The following SYTL2 variants were observed in gnomAD, a reference collection of about 807,000 sequenced individuals.
SYTL2 encodes synaptotagmin like 2, also known as synaptotagmin-like protein 2.
SYTL2 carries 165 observed loss-of-function variants against 198.7 expected under a neutral mutation model. That is an observed-to-expected ratio of 0.83 (90% confidence interval 0.73 to 0.94). SYTL2 has a LOEUF of 0.94. Among genes scored for constraint, SYTL2 ranks in the 40% least tolerant of loss-of-function variants. The probability of loss-of-function intolerance (pLI) is 0.00; values close to 1 mark genes in which losing one functional copy is unlikely to be tolerated. For synonymous variants in SYTL2, 966 were observed against 917.7 expected, an observed-to-expected ratio of 1.05 and a Z score of -0.95; for missense variants, 2,835 against 2,582.8, an observed-to-expected ratio of 1.10 and a Z score of -2.12.
rs1189779715 is a variant in SYTL2 at position 85,727,981 on chromosome 11, A to C, written c.1391-14T>G. ...GAGACAGTTCATCTGCAACATAGAA[A>C]TACTTTTCTAAATAAGAAAAGAGCA... is the stretch of plus-strand genomic sequence containing the variant. On this transcript the variant is annotated splice_polypyrimidine_tract_variant and intron_variant, in intron 7 of 19. Coordinates refer to ENST00000359152, the MANE Select transcript of SYTL2 (RefSeq NM_206927.4). 6.4e-7 allele frequency: 1 copy of C among 1,554,902 alleles called. No homozygotes were observed. Among genetic ancestry groups the C allele is most frequent in the African/African-American group, 1.4e-5 (1 of 72,070 alleles).
chr11:85,795,903 A>G (rs1049080678), intron 1 of SYTL2, among the ~76,000 whole-genome samples: 7 of 152,170 alleles, frequency 4.6e-5, no homozygotes, highest in African/African-American at 1.7e-4. Flanking sequence ...AGGACTCAGG[A>G]AAGGTGACAC....
intron 10 of SYTL2, chr11:85,717,775 G>C (rs1454195772): frequency 9.2e-6 from 5 of 541,190 alleles, no homozygotes; most frequent in East Asian, 4.3e-5. Context: ...TAATTCACTA[G>C]ACCACAGTAT....
chr11:85,789,354 A>ATGTGTATATATATATATATATATATG (rs1555260933), intron 1 of SYTL2, among the ~76,000 whole-genome samples: 3 of 57,218 alleles, frequency 5.2e-5, no homozygotes, highest in African/African-American at 2.2e-4. Flanking sequence ...ATATATATAT[A>ATGTGTATATATATATATATATATATG]TATATATATA....
In SYTL2 at chr11:85,748,256, A is replaced by G. The variant is rs1370895824; in HGVS notation, c.253+16T>C. 2 of 1,609,680 alleles carry G rather than the reference A, an allele frequency of 1.2e-6. No homozygotes were observed. Among genetic ancestry groups the G allele is most frequent in the East Asian group, 4.5e-5 (2 of 44,812 alleles). On this transcript the variant is annotated intron_variant, in intron 3 of 19. Transcript: ENST00000359152. Reference sequence around the variant, plus strand: ...AACGAATGCTTGTTGTAAATGCACTAGCCAAGTCAACTCACCTGCTATCTG... The same window carrying G: ...AACGAATGCTTGTTGTAAATGCACTGGCCAAGTCAACTCACCTGCTATCTG...
At chr11:85,800,849 T>G (rs1023883392) in intron 1 of SYTL2, among the ~76,000 whole-genome samples, 1 of 152,174 alleles carries the variant, frequency 6.6e-6, no homozygotes, top group Non-Finnish European at 1.5e-5. Flanking sequence ...ACATTATTAA[T>G]AGTTCAAGTG....
At chr11:85,828,101 C>T in the SYTL2 span, among the ~76,000 whole-genome samples, 2 of 152,080 alleles carry the variant, frequency 1.3e-5, no homozygotes, top group Non-Finnish European at 2.9e-5. Flanking sequence ...AAAAGTTCCA[C>T]AAGGAATTAT....
At chr11:85,717,449 T>C in intron 11 of SYTL2, 34 bp downstream of exon 11, 1 of 1,578,374 alleles carries the variant, frequency 6.3e-7, no homozygotes, top group Non-Finnish European at 8.7e-7. Context: ...AAGTGGAATG[T>C]TTAGTCATTT....
the SYTL2 span, among the ~76,000 whole-genome samples, chr11:85,827,399 C>A: frequency 2.0e-5 from 3 of 152,232 alleles, no homozygotes; most frequent in African/African-American, 7.2e-5. Context: ...GCTCACCTCA[C>A]TACCCCTATG....
chr11:85,768,358 A>C (rs1257536802), intron 1 of SYTL2, among the ~76,000 whole-genome samples: 3 of 152,242 alleles, frequency 2.0e-5, no homozygotes, highest in African/African-American at 7.2e-5. Flanking sequence ...GTCAAAAGAT[A>C]ATTGAAAGTG....
At chr11:85,800,554 C>T (rs1169143075) in intron 1 of SYTL2, among the ~76,000 whole-genome samples, 1 of 152,138 alleles carries the variant, frequency 6.6e-6, no homozygotes, top group Admixed American at 6.5e-5. Flanking sequence ...GCTGAGATTA[C>T]AGGAATGAGC....
chr11:85,702,757 C>T (rs749845945), intron 16 of SYTL2, among the ~76,000 whole-genome samples: 1 of 152,136 alleles, frequency 6.6e-6, no homozygotes, highest in Non-Finnish European at 1.5e-5. Context: ...CAATACCCCA[C>T]ATATGATCAA....
intron 4 of SYTL2, among the ~76,000 whole-genome samples, chr11:85,739,469 G>C (rs186640641): frequency 1.3e-5 from 2 of 152,040 alleles, no homozygotes; most frequent in Admixed American, 1.3e-4. Context: ...CTGGGATGAG[G>C]GGGGATACTC....
At chr11:85,847,645 C>T in the SYTL2 span, among the ~76,000 whole-genome samples, 10 of 152,260 alleles carry the variant, frequency 6.6e-5, no homozygotes, top group East Asian at 1.7e-3. Context: ...TATTGTCAGT[C>T]TTTTAGGGTT....
At chr11:85,719,676 G>A (rs1038526463) in intron 9 of SYTL2, among the ~76,000 whole-genome samples, 1 of 152,088 alleles carries the variant, frequency 6.6e-6, no homozygotes, top group African/African-American at 2.4e-5. Context: ...TTGAGGGGAG[G>A]TTAAAATGGG....
At chr11:85,788,009 T>A (rs568202578) in intron 1 of SYTL2, among the ~76,000 whole-genome samples, 22 of 152,306 alleles carry the variant, frequency 1.4e-4, no homozygotes, top group Middle Eastern at 6.8e-3. Context: ...TGTCACCGGG[T>A]CATGAGTAGT....
At chr11:85,705,879 C>G (rs552669787) in intron 15 of SYTL2, among the ~76,000 whole-genome samples, 2 of 152,188 alleles carry the variant, frequency 1.3e-5, no homozygotes, top group East Asian at 3.8e-4. Context: ...TAATTAAAAA[C>G]TTGGTACAAA....
chr11:85,792,883 G>C (rs2092751279), intron 1 of SYTL2, among the ~76,000 whole-genome samples: 1 of 151,610 alleles, frequency 6.6e-6, no homozygotes, highest in Non-Finnish European at 1.5e-5. Context: ...GCAGTGTTTG[G>C]GTTTTTGTTC....
chr11:85,802,357 A>T (rs1472791835), intron 1 of SYTL2, among the ~76,000 whole-genome samples: 1 of 150,690 alleles, frequency 6.6e-6, no homozygotes, highest in Non-Finnish European at 1.5e-5. Flanking sequence ...AAGTAGCTGG[A>T]ATTACAGGTG....
chr11:85,849,114 T>C, the SYTL2 span, among the ~76,000 whole-genome samples: 7 of 152,232 alleles, frequency 4.6e-5, no homozygotes, highest in African/African-American at 1.4e-4. Flanking sequence ...TTCTTAAAGG[T>C]AGCATATACT....
Sources: allele counts gnomAD v4.1 joint callset (sites outside exome capture counted in the v4.1 genomes callset), GRCh38; gene constraint gnomAD v4.1.1; transcripts MANE v1.5; gene names NCBI Gene and HGNC (gene_info 2026-07-23, HGNC 2026-07-21).